Variants in MAP2K1 observed in about 807,000 individuals in gnomAD.
MAP2K1 encodes dual specificity mitogen-activated protein kinase kinase 1.
Under a neutral mutation model 46.3 loss-of-function variants are expected in MAP2K1, and 16 were observed. That is an observed-to-expected ratio of 0.35 (90% CI 0.23 to 0.52). The LOEUF is 0.52. MAP2K1 is among the 20% of genes least tolerant of loss of function. MAP2K1 has a pLI of 0.94. For synonymous variants in MAP2K1, 183 were observed against 185.6 expected (o/e 0.99, Z 0.11); for missense variants, 263 against 497.1 (o/e 0.53, Z 4.48).
intron 1 of MAP2K1, among the ~76,000 whole-genome samples, chr15:66,426,498 A>G (rs2093459423): frequency 6.6e-6 from 1 of 152,198 alleles, no homozygotes; most frequent in Non-Finnish European, 1.5e-5. Context: ...CTAGTTCTTC[A>G]GTAGAGTAGG....
Position 66,491,064 on chromosome 15 carries a change from T to C in MAP2K1, c.*449T>C, listed in dbSNP as rs1411844958. ...TGTGAGATCCTTCACAGGCAGTGCA[T>C]GTGAAGCATGCTTTGCTGCTATGAA... On this transcript the variant is annotated 3_prime_UTR_variant, in exon 11 of 11. Coordinates refer to ENST00000307102, the MANE Select transcript of MAP2K1 (RefSeq NM_002755.4). 3 of 367,336 alleles carry C rather than the reference T, an allele frequency of 8.2e-6. No individual in the cohort carries two copies. Among genetic ancestry groups the C allele is most frequent in the Admixed American group, 4.5e-5 (1 of 22,244 alleles). The allele number at this position is 367,336 out of a possible 1,614,324, so 22.8% of individuals were successfully genotyped here.
intron 10 of MAP2K1, 120 bp from the exon 11 acceptor site, chr15:66,490,382 A>T: frequency 1.3e-6 from 1 of 795,806 alleles, no homozygotes; most frequent in East Asian, 2.4e-5. Flanking sequence ...GGCAGGTGCC[A>T]GGTGCTCTTT....
Position 66,387,303 on chromosome 15 carries a change from T to C in MAP2K1, c.-45T>C. ...CAGCGCAGCGGGAGGAAGCGAGAGG[T>C]GCTGCCCTCCCCCCGGAGTTGGAAG... On this transcript the variant is annotated 5_prime_UTR_variant, in exon 1 of 11. Transcript: ENST00000307102. 6.7e-7 allele frequency: 1 copy of C among 1,482,632 alleles called. No homozygotes were observed. Among genetic ancestry groups the C allele is most frequent in the Non-Finnish European group, 9.2e-7 (1 of 1,086,734 alleles). The allele number at this position is 1,482,632 out of a possible 1,614,324, so 91.8% of individuals were successfully genotyped here. A position where few individuals can be genotyped will look rare whatever the true frequency, so the allele number is the denominator to read the frequency against.
At chr15:66,405,052 A>G (rs558717595) in intron 1 of MAP2K1, among the ~76,000 whole-genome samples, 1 of 152,340 alleles carries the variant, frequency 6.6e-6, no homozygotes, top group South Asian at 2.1e-4. Context: ...ATGAAGGCCT[A>G]CCTCATCTCT....
At position 66,447,944 on chromosome 15, in the gene MAP2K1, A is replaced by G. The variant is rs368745712; in HGVS notation, c.568+3237A>G. Among the ~76,000 whole-genome samples the G allele has an allele frequency of 3.9e-5, 6 of 151,990 alleles. No homozygotes were observed. The East Asian group carries it at 5.8e-4, about 15-fold the overall frequency. On this transcript the variant is annotated intron_variant, in intron 5 of 10. Transcript: ENST00000307102. The stretch of plus-strand genomic sequence containing the variant: ...GGTGGGCAGATCACCTGAGGTCAGG[A>G]GTTCGAGACCAGACTGGCCAACATG...
intron 1 of MAP2K1, among the ~76,000 whole-genome samples, chr15:66,418,901 C>T (rs1385919340): frequency 6.6e-6 from 1 of 150,736 alleles, no homozygotes; most frequent in African/African-American, 2.4e-5. Context: ...CCACCTCAGC[C>T]TCTCAAAGTG....
intron 1 of MAP2K1, among the ~76,000 whole-genome samples, chr15:66,429,498 C>T (rs2093468777): frequency 6.6e-6 from 1 of 152,122 alleles, no homozygotes; most frequent in South Asian, 2.1e-4. Flanking sequence ...TCGTGCCTGG[C>T]TTCTTTCACA....
At chr15:66,431,885 CGCCCCTGT>C (rs1567007958) in intron 1 of MAP2K1, among the ~76,000 whole-genome samples, 1 of 152,100 alleles carries the variant, frequency 6.6e-6, no homozygotes, top group Non-Finnish European at 1.5e-5. Flanking sequence ...GTGTTGTTCC[CGCCCCTGT>C]GCCCCTGTGT....
intron 5 of MAP2K1, among the ~76,000 whole-genome samples, chr15:66,448,376 T>C (rs886525495): frequency 5.3e-5 from 8 of 152,218 alleles, no homozygotes; most frequent in African/African-American, 1.9e-4. Context: ...AAGTAAGTGC[T>C]GGTTCTAATG....
chr15:66,445,354 T>C (rs1891840495), intron 5 of MAP2K1, among the ~76,000 whole-genome samples: 1 of 152,154 alleles, frequency 6.6e-6, no homozygotes, highest in Non-Finnish European at 1.5e-5. Context: ...ATTGCACTGC[T>C]GCACTCCAGC....
chr15:66,455,956 G>T (rs1214340836), intron 5 of MAP2K1, among the ~76,000 whole-genome samples: 2 of 152,148 alleles, frequency 1.3e-5, no homozygotes, highest in Non-Finnish European at 2.9e-5. Flanking sequence ...GTTGATCAGG[G>T]GGTGGGTATA....
chr15:66,420,019 G>T (rs893454090), intron 1 of MAP2K1, among the ~76,000 whole-genome samples: 1 of 151,280 alleles, frequency 6.6e-6, no homozygotes, highest in Non-Finnish European at 1.5e-5. Context: ...TGAGGTGGGT[G>T]GATCACCTGA....
intron 3 of MAP2K1, among the ~76,000 whole-genome samples, chr15:66,437,446 G>A (rs2093491361): frequency 6.6e-6 from 1 of 152,192 alleles, no homozygotes; most frequent in African/African-American, 2.4e-5. Context: ...TCAGATATAA[G>A]TCTTCCAACA....
chr15:66,454,916 G>A (rs1892127032), intron 5 of MAP2K1, among the ~76,000 whole-genome samples: 1 of 151,918 alleles, frequency 6.6e-6, no homozygotes, highest in African/African-American at 2.4e-5. Context: ...GGATCCAAGG[G>A]AAGTTCAGAG....
chr15:66,393,554 C>T (rs903516196), intron 1 of MAP2K1, among the ~76,000 whole-genome samples: 4 of 152,212 alleles, frequency 2.6e-5, no homozygotes, highest in Admixed American at 2.0e-4. Context: ...CTCACTTTTT[C>T]TTTGACCTTG....
At chr15:66,389,572 G>GTTTTTTTTT (rs375412152) in intron 1 of MAP2K1, among the ~76,000 whole-genome samples, 1 of 86,962 alleles carries the variant, frequency 1.1e-5, no homozygotes, top group Non-Finnish European at 2.2e-5. Flanking sequence ...CTCTGTTGTG[G>GTTTTTTTTT]TTTTTTTTTT....
chr15:66,445,164 G>C (rs556888675), intron 5 of MAP2K1, among the ~76,000 whole-genome samples: 1 of 149,300 alleles, frequency 6.7e-6, no homozygotes, highest in East Asian at 2.0e-4. Flanking sequence ...AGGTGGGGGG[G>C]TGGATCATGA....
chr15:66,413,330 C>T (rs2093416158), intron 1 of MAP2K1, among the ~76,000 whole-genome samples: 1 of 152,168 alleles, frequency 6.6e-6, no homozygotes. Context: ...CCTCTTGGTG[C>T]TTCAGCACTG....
At chr15:66,439,369 C>T (rs1021461357) in intron 3 of MAP2K1, among the ~76,000 whole-genome samples, 13 of 152,188 alleles carry the variant, frequency 8.5e-5, no homozygotes, top group South Asian at 4.1e-4. Flanking sequence ...TGGTGGCTTA[C>T]ACCTGTAATT....
Sources: allele counts gnomAD v4.1 joint callset (sites outside exome capture counted in the v4.1 genomes callset), GRCh38; gene constraint gnomAD v4.1.1; transcripts MANE v1.5; gene names NCBI Gene and HGNC (gene_info 2026-07-23, HGNC 2026-07-21).